The following PKIG variants were observed in gnomAD, a reference collection of about 807,000 sequenced individuals.
The protein encoded by PKIG is protein kinase (cAMP-dependent, catalytic) inhibitor gamma.
PKIG carries 1 observed loss-of-function variant against 6.8 expected under a neutral mutation model. That is an observed-to-expected ratio of 0.15 (90% CI 0.05 to 0.69). The LOEUF (loss-of-function observed/expected upper bound fraction) is 0.69. PKIG is among the 30% of genes least tolerant of loss of function. PKIG has a pLI of 0.82. For missense variants in PKIG, 77 were observed against 104.0 expected, an observed-to-expected ratio of 0.74 and a Z score of 1.13; for synonymous variants, 39 against 43.0, an observed-to-expected ratio of 0.91 and a Z score of 0.36.
At chr20:44,585,770 G>T (rs988332553) in intron 1 of PKIG, among the ~76,000 whole-genome samples, 2 of 152,222 alleles carry the variant, frequency 1.3e-5, no homozygotes, top group Non-Finnish European at 1.5e-5. Flanking sequence ...TACCATTTGC[G>T]CATTCCCCTG....
intron 1 of PKIG, among the ~76,000 whole-genome samples, chr20:44,560,101 T>C (rs916561728): frequency 6.7e-6 from 1 of 149,670 alleles, no homozygotes; most frequent in Non-Finnish European, 1.5e-5. Context: ...AAAAAGAAAA[T>C]TAGCTGGGCA....
At chr20:44,610,500 T>TCTCACACACA (rs1555841182) in intron 2 of PKIG, among the ~76,000 whole-genome samples, 55 of 135,484 alleles carry the variant, frequency 4.1e-4, no homozygotes, top group African/African-American at 1.1e-3. Flanking sequence ...TCTCTCTCTC[T>TCTCACACACA]CACACACACA....
At chr20:44,596,186 C>T (rs1487955162) in intron 2 of PKIG, among the ~76,000 whole-genome samples, 1 of 152,228 alleles carries the variant, frequency 6.6e-6, no homozygotes, top group Non-Finnish European at 1.5e-5. Flanking sequence ...AATGTATCAG[C>T]ATCATGCCTG....
intron 1 of PKIG, among the ~76,000 whole-genome samples, chr20:44,589,425 A>G (rs1459367294): frequency 6.6e-6 from 1 of 151,994 alleles, no homozygotes; most frequent in Non-Finnish European, 1.5e-5. Flanking sequence ...ACAATCAAGC[A>G]TGTACTTTTT....
intron 2 of PKIG, among the ~76,000 whole-genome samples, chr20:44,611,204 G>T (rs1199628976): frequency 6.6e-6 from 1 of 151,892 alleles, no homozygotes; most frequent in Admixed American, 6.6e-5. Flanking sequence ...ACAGGCGTGT[G>T]CTACCACACC....
intron 2 of PKIG, among the ~76,000 whole-genome samples, chr20:44,595,125 G>T (rs1334392301): frequency 6.6e-6 from 1 of 152,236 alleles, no homozygotes; most frequent in Non-Finnish European, 1.5e-5. Flanking sequence ...CAAACCTTAA[G>T]AATGCAGGGT....
At chr20:44,562,556 C>G (rs1204830706) in intron 1 of PKIG, among the ~76,000 whole-genome samples, 1 of 136,562 alleles carries the variant, frequency 7.3e-6, no homozygotes, top group Non-Finnish European at 1.5e-5. Flanking sequence ...GAGCCTAGAT[C>G]GTGCCACTGC....
intron 1 of PKIG, among the ~76,000 whole-genome samples, chr20:44,576,969 G>A (rs563318891): frequency 3.3e-5 from 5 of 152,162 alleles, no homozygotes; most frequent in African/African-American, 4.8e-5. Flanking sequence ...TCAGGACATC[G>A]AACCCTGAAG....
At chr20:44,545,894 A>G (rs1052701309) in intron 1 of PKIG, among the ~76,000 whole-genome samples, 5 of 152,106 alleles carry the variant, frequency 3.3e-5, no homozygotes, top group Non-Finnish European at 4.4e-5. Context: ...ACTGAAAATC[A>G]TAGATGTACA....
At chr20:44,535,566 G>A (rs920594205) in intron 1 of PKIG, among the ~76,000 whole-genome samples, 4 of 152,162 alleles carry the variant, frequency 2.6e-5, no homozygotes, top group African/African-American at 9.7e-5. Flanking sequence ...TCTTCAACCT[G>A]GGAGGCAGAG....
chr20:44,570,833 G>A (rs1568815956), intron 1 of PKIG, among the ~76,000 whole-genome samples: 1 of 152,196 alleles, frequency 6.6e-6, no homozygotes, highest in Non-Finnish European at 1.5e-5. Context: ...TAGGTTGGGT[G>A]GCTTGGGAAA....
At chr20:44,604,921 C>A (rs2065150766) in intron 2 of PKIG, among the ~76,000 whole-genome samples, 1 of 151,958 alleles carries the variant, frequency 6.6e-6, no homozygotes, top group Non-Finnish European at 1.5e-5. Context: ...ATATTTAATG[C>A]AGTCCTGATA....
chr20:44,604,911 A>G (rs1302861976), intron 2 of PKIG, among the ~76,000 whole-genome samples: 1 of 152,214 alleles, frequency 6.6e-6, no homozygotes, highest in Non-Finnish European at 1.5e-5. Flanking sequence ...ATTACTATAT[A>G]TATTTAATGC....
intron 1 of PKIG, among the ~76,000 whole-genome samples, chr20:44,545,442 A>T (rs1034997241): frequency 2.0e-5 from 3 of 152,222 alleles, no homozygotes; most frequent in Non-Finnish European, 2.9e-5. Flanking sequence ...TGCTTACCTG[A>T]TAAAGGCAAA....
At chr20:44,532,537 T>G (rs1013493956) in intron 1 of PKIG, among the ~76,000 whole-genome samples, 6 of 152,094 alleles carry the variant, frequency 3.9e-5, no homozygotes, top group Non-Finnish European at 5.9e-5. Flanking sequence ...GGTAAAAAAG[T>G]GAACGAGAGA....
At chr20:44,567,330 A>G (rs2064818680) in intron 1 of PKIG, among the ~76,000 whole-genome samples, 1 of 152,128 alleles carries the variant, frequency 6.6e-6, no homozygotes, top group Non-Finnish European at 1.5e-5. Context: ...AGTCTCTGTG[A>G]TTGTCTCACC....
intron 2 of PKIG, among the ~76,000 whole-genome samples, chr20:44,600,807 T>C (rs1340561081): frequency 4.6e-5 from 7 of 152,026 alleles, no homozygotes. Flanking sequence ...GGTGGTGCCC[T>C]TGCTCAGTTG....
chr20:44,573,085 A>G (rs1207640340), intron 1 of PKIG, among the ~76,000 whole-genome samples: 1 of 152,230 alleles, frequency 6.6e-6, no homozygotes, highest in East Asian at 1.9e-4. Context: ...TTTGGAACTA[A>G]GTAGAGTGGC....
intron 2 of PKIG, among the ~76,000 whole-genome samples, chr20:44,602,489 C>T (rs2065129674): frequency 1.3e-5 from 2 of 152,256 alleles, no homozygotes; most frequent in African/African-American, 4.8e-5. Flanking sequence ...CAGTGCCTGG[C>T]ATGTAGAAGT....
Sources: allele counts gnomAD v4.1 joint callset (sites outside exome capture counted in the v4.1 genomes callset), GRCh38; gene constraint gnomAD v4.1.1; transcripts MANE v1.5; gene names NCBI Gene and HGNC (gene_info 2026-07-23, HGNC 2026-07-21).